PACRG: variants seen among roughly 807,000 people sequenced by gnomAD.
The protein encoded by PACRG is parkin coregulated gene protein.
Under a neutral mutation model 29.7 loss-of-function variants are expected in PACRG, and 29 were observed. The observed-to-expected ratio is 0.98, with a 90% CI of 0.73 to 1.33. The LOEUF (loss-of-function observed/expected upper bound fraction) is 1.33. PACRG is among the 40% of genes most tolerant of loss of function. The pLI is 0.00. For missense variants in PACRG, 279 were observed against 316.2 expected (o/e 0.88, Z 0.89); for synonymous variants, 116 against 118.7 (o/e 0.98, Z 0.15).
chr6:163,100,826 T>C (rs1251956970), intron 4 of PACRG: 2 of 985,074 alleles, frequency 2.0e-6, no homozygotes, highest in African/African-American at 1.7e-5. Context: ...AAAAATGCAA[T>C]GGACATATTC....
intron 4 of PACRG, among the ~76,000 whole-genome samples, chr6:163,111,189 C>CCAGCA (rs1275294816): frequency 6.6e-6 from 1 of 152,162 alleles, no homozygotes; most frequent in Non-Finnish European, 1.5e-5. Context: ...GCAGATAACC[C>CCAGCA]CAGGGTTCCT....
At chr6:162,757,433 C>T (rs2128286577) in intron 1 of PACRG, among the ~76,000 whole-genome samples, 1 of 152,212 alleles carries the variant, frequency 6.6e-6, no homozygotes, top group East Asian at 1.9e-4. Context: ...GGTGGATCAC[C>T]TGAAGTCAGG....
chr6:163,299,858 A>G (rs1190873151), intron 4 of PACRG, among the ~76,000 whole-genome samples: 1 of 152,314 alleles, frequency 6.6e-6, no homozygotes, highest in Non-Finnish European at 1.5e-5. Context: ...CAGCCTGGGC[A>G]ACAGAGGGAG....
intron 4 of PACRG, among the ~76,000 whole-genome samples, chr6:163,195,245 C>T (rs969174986): frequency 1.3e-5 from 2 of 152,230 alleles, no homozygotes; most frequent in African/African-American, 4.8e-5. Flanking sequence ...ATTTCATTAT[C>T]GTGAACCACT....
chr6:162,798,060 T>C (rs1785527808), intron 1 of PACRG, among the ~76,000 whole-genome samples: 1 of 152,222 alleles, frequency 6.6e-6, no homozygotes, highest in Admixed American at 6.5e-5. Flanking sequence ...AATATTGTTT[T>C]TCTTATAGTA....
At chr6:163,050,434 T>C (rs865831833) in intron 2 of PACRG, among the ~76,000 whole-genome samples, 2 of 152,136 alleles carry the variant, frequency 1.3e-5, no homozygotes, top group East Asian at 1.9e-4. Context: ...ACCCGCCATA[T>C]TGATGATTTA....
chr6:163,130,389 C>T (rs746644319), intron 4 of PACRG, among the ~76,000 whole-genome samples: 4 of 152,136 alleles, frequency 2.6e-5, no homozygotes, highest in Non-Finnish European at 5.9e-5. Flanking sequence ...GGCCTTAAGT[C>T]AGGAACTAAT....
intron 2 of PACRG, among the ~76,000 whole-genome samples, chr6:162,958,803 T>G (rs1225627999): frequency 2.1e-5 from 3 of 146,102 alleles, no homozygotes; most frequent in East Asian, 2.0e-4. Flanking sequence ...CACATATATA[T>G]AGCATATAGA....
chr6:162,916,798 A>T lies in PACRG; in HGVS notation c.291+102517A>T, dbSNP rs569715713. On this transcript the variant is annotated intron_variant, in intron 2 of 4. Coordinates refer to ENST00000366888, the MANE Select transcript of PACRG (RefSeq NM_001080379.2). ...GTTTCTTATCCTCAAACAAAGCAAG[A>T]TCTCACAAGAGTCAGTGTCAGTCAA... Among the ~76,000 whole-genome samples the T allele has an allele frequency of 1.1e-4, 16 of 152,028 alleles. No individual in the cohort carries two copies. The South Asian group carries it at 2.5e-3, about 24-fold the overall frequency.
At chr6:162,860,654 G>T (rs1002928428) in intron 2 of PACRG, among the ~76,000 whole-genome samples, 14 of 152,096 alleles carry the variant, frequency 9.2e-5, no homozygotes, top group Admixed American at 9.2e-4. Context: ...AATATTTAAT[G>T]GTTTCTCTCA....
intron 4 of PACRG, among the ~76,000 whole-genome samples, chr6:163,285,552 A>T (rs1268059725): frequency 6.6e-6 from 1 of 152,226 alleles, no homozygotes; most frequent in Non-Finnish European, 1.5e-5. Flanking sequence ...TCTGCTTCAC[A>T]TCATGGCGGG....
chr6:163,254,958 C>G (rs1168645986), intron 4 of PACRG, among the ~76,000 whole-genome samples: 1 of 152,246 alleles, frequency 6.6e-6, no homozygotes, highest in East Asian at 1.9e-4. Context: ...TATTTAATTA[C>G]ACAAGCCACG....
chr6:162,860,766 A>G (rs1337356952), intron 2 of PACRG, among the ~76,000 whole-genome samples: 1 of 152,202 alleles, frequency 6.6e-6, no homozygotes, highest in African/African-American at 2.4e-5. Context: ...AGCCATGATT[A>G]TGTTCCCTAA....
chr6:162,912,021 G>A (rs1283285588), intron 2 of PACRG, among the ~76,000 whole-genome samples: 1 of 152,168 alleles, frequency 6.6e-6, no homozygotes, highest in Non-Finnish European at 1.5e-5. Context: ...AAACAAAATG[G>A]TGGCCAGAAG....
At chr6:162,981,305 A>ATATATTTTTTTTT (rs925663285) in intron 2 of PACRG, among the ~76,000 whole-genome samples, 2 of 149,132 alleles carry the variant, frequency 1.3e-5, no homozygotes, top group African/African-American at 5.0e-5. Flanking sequence ...ATATATATAT[A>ATATATTTTTTTTT]TTTACAATGG....
chr6:162,922,266 A>G (rs1433996400), intron 2 of PACRG, among the ~76,000 whole-genome samples: 1 of 147,158 alleles, frequency 6.8e-6, no homozygotes, highest in Non-Finnish European at 1.5e-5. Context: ...CATATCTAGC[A>G]TGCCTGTTTC....
At chr6:162,950,375 G>C (rs187856410) in intron 2 of PACRG, among the ~76,000 whole-genome samples, 2 of 152,240 alleles carry the variant, frequency 1.3e-5, no homozygotes, top group African/African-American at 4.8e-5. Context: ...GGGCGTGGTG[G>C]CGAGCGCCTG....
At chr6:163,168,224 C>G (rs1778909902) in intron 4 of PACRG, among the ~76,000 whole-genome samples, 2 of 152,296 alleles carry the variant, frequency 1.3e-5, no homozygotes, top group Middle Eastern at 3.4e-3. Context: ...TGCCTGTAAT[C>G]CTAGCACTTT....
rs1778099507 is a variant in PACRG at position 163,151,692 on chromosome 6, T to A, written c.613+62284T>A. ...ATGAATTCAGCCACATAAATAACTT[T>A]ACTTTTAAAATCATGAATAAAAGTT... is the stretch of plus-strand genomic sequence containing the variant. On this transcript the variant is annotated intron_variant, in intron 4 of 4. Transcript: ENST00000366888. Among the ~76,000 whole-genome samples, 3 of 152,240 alleles carry A rather than the reference T, an allele frequency of 2.0e-5. No homozygotes were observed. In the South Asian group the frequency reaches 6.2e-4, roughly 32 times the overall value.
Sources: allele counts gnomAD v4.1 joint callset (sites outside exome capture counted in the v4.1 genomes callset), GRCh38; gene constraint gnomAD v4.1.1; transcripts MANE v1.5; gene names NCBI Gene and HGNC (gene_info 2026-07-23, HGNC 2026-07-21).